The following MYO1E variants were observed in gnomAD, a reference collection of about 807,000 sequenced individuals.
MYO1E encodes the protein myosin IE, also known as unconventional myosin-Ie.
Under a neutral mutation model 151.1 loss-of-function variants are expected in MYO1E, and 68 were observed. The ratio of observed to expected loss-of-function variants is 0.45; its 90% CI spans 0.37 to 0.55. MYO1E has a LOEUF of 0.55. Ranked by LOEUF, MYO1E falls within the 20% of genes least tolerant of loss-of-function variation. The pLI is 0.00. For synonymous variants in MYO1E, 601 were observed against 501.7 expected, an observed-to-expected ratio of 1.20 and a Z score of -2.64; for missense variants, 1,363 against 1,389.3, an observed-to-expected ratio of 0.98 and a Z score of 0.30.
chr15:59,277,566 A>AC (rs1347764700), intron 1 of MYO1E, among the ~76,000 whole-genome samples: 28 of 46,288 alleles, frequency 6.0e-4, no homozygotes, highest in African/African-American at 1.1e-3. Context: ...AAAAAAAAAA[A>AC]AAAAAAACAT....
At chr15:59,208,061 A>G (rs1330770781) in intron 14 of MYO1E, 2 of 1,584,284 alleles carry the variant, frequency 1.3e-6, no homozygotes, top group East Asian at 2.2e-5. Flanking sequence ...ACACTCTGGG[A>G]AATTCAGAAT....
At chr15:59,318,370 T>C (rs1209179863) in intron 1 of MYO1E, among the ~76,000 whole-genome samples, 2 of 152,134 alleles carry the variant, frequency 1.3e-5, no homozygotes, top group Non-Finnish European at 2.9e-5. Flanking sequence ...GAGACTACCA[T>C]GAAAGCCCCT....
intron 13 of MYO1E, among the ~76,000 whole-genome samples, chr15:59,209,553 G>A (rs1263862101): frequency 6.6e-6 from 1 of 151,956 alleles, no homozygotes; most frequent in African/African-American, 2.4e-5. Flanking sequence ...GTGGGCGCCT[G>A]TAATCCCAGC....
chr15:59,254,571 T>C (rs2080183356), intron 4 of MYO1E, among the ~76,000 whole-genome samples: 1 of 152,154 alleles, frequency 6.6e-6, no homozygotes, highest in South Asian at 2.1e-4. Flanking sequence ...TAAAACAGAA[T>C]TGGCCATATA....
At chr15:59,332,049 G>A (rs572880043) in intron 1 of MYO1E, among the ~76,000 whole-genome samples, 4 of 152,310 alleles carry the variant, frequency 2.6e-5, no homozygotes, top group African/African-American at 4.8e-5. Flanking sequence ...ATTGGGATGC[G>A]TATAAATTAA....
intron 19 of MYO1E, among the ~76,000 whole-genome samples, chr15:59,176,353 C>T (rs1225935025): frequency 6.6e-6 from 1 of 152,032 alleles, no homozygotes; most frequent in Non-Finnish European, 1.5e-5. Flanking sequence ...AGCCACTGCG[C>T]GCGGTTATGA....
intron 9 of MYO1E, among the ~76,000 whole-genome samples, chr15:59,220,605 A>T (rs1329936285): frequency 1.3e-5 from 2 of 152,166 alleles, no homozygotes; most frequent in Non-Finnish European, 2.9e-5. Flanking sequence ...TCCATTATAA[A>T]GGCATGGACT....
rs78358865 is a variant in MYO1E, at chr15:59,355,060, C to T, written c.3+17438G>A. Among the ~76,000 whole-genome samples the T allele has an allele frequency of 4.5e-3, 684 of 152,294 alleles. 6 individuals are homozygous for T. Among genetic ancestry groups the T allele is most frequent in the Middle Eastern group, 6.8e-3 (2 of 294 alleles). ...TCATTCACTGGCGGCTGCCTTGCTG[C>T]CACCAAGTTGAATTGGAGGGTTTTC... On this transcript the variant is annotated intron_variant, in intron 1 of 27. Coordinates refer to ENST00000288235, the MANE Select transcript of MYO1E (RefSeq NM_004998.4).
intron 4 of MYO1E, among the ~76,000 whole-genome samples, chr15:59,239,213 T>A (rs1343968592): frequency 4.9e-5 from 5 of 102,202 alleles, no homozygotes; most frequent in East Asian, 8.8e-4. Context: ...TCAAAAAATA[T>A]ATATATATAT....
Position 59,173,809 on chromosome 15 carries a change from G to A in MYO1E, c.2271C>T (p.Phe757=), listed in dbSNP as rs766943152. 84 of 1,613,980 alleles carry A rather than the reference G, an allele frequency of 5.2e-5. 1 individual carries two copies. The Middle Eastern group carries it at 1.2e-3, about 22-fold the overall frequency. The part of the protein sequence containing the change: ...GMEEHPELQQ[F]VGKREKIDFA... ...AATCAATCTTCTCCCTCTTGCCCAC[G>A]AACTGCTGGAGTTCTGGGTGCTCTT... Residue 757 remains phenylalanine, a synonymous_variant, in exon 21 of 28, where the codon TTC becomes TTT. Coordinates refer to ENST00000288235, the MANE Select transcript of MYO1E (RefSeq NM_004998.4).
At chr15:59,345,245 G>C (rs1432617088) in intron 1 of MYO1E, among the ~76,000 whole-genome samples, 1 of 144,644 alleles carries the variant, frequency 6.9e-6, no homozygotes, top group Non-Finnish European at 1.5e-5. Context: ...ATTTAAATGA[G>C]AGAGAGAGAA....
chr15:59,215,308 A>G (rs1318347037), intron 10 of MYO1E, among the ~76,000 whole-genome samples: 1 of 152,184 alleles, frequency 6.6e-6, no homozygotes, highest in Non-Finnish European at 1.5e-5. Context: ...AGTGCTCTCA[A>G]TGTGTTGTTT....
chr15:59,137,699 T>A (rs1036946584), intron 27 of MYO1E, among the ~76,000 whole-genome samples: 1 of 152,204 alleles, frequency 6.6e-6, no homozygotes, highest in Non-Finnish European at 1.5e-5. Flanking sequence ...TTCCACTCCA[T>A]CCACTTTCAT....
In MYO1E at chr15:59,274,476, G is replaced by A. The variant is rs529010773; in HGVS notation, c.4-2027C>T. Among the ~76,000 whole-genome samples the A allele has an allele frequency of 3.3e-5, 5 of 152,140 alleles. No homozygotes were observed. The South Asian group carries it at 6.2e-4, about 19-fold the overall frequency. The stretch of plus-strand genomic sequence containing the variant: ...CTTTTCCAGCTTTCTGGGCACCCAC[G>A]GTTACTCTGCACAGAAAACTAGGGT... On this transcript the variant is annotated intron_variant, in intron 1 of 27. Transcript: ENST00000288235.
At chr15:59,369,463 C>A (rs1167748294) in intron 1 of MYO1E, among the ~76,000 whole-genome samples, 1 of 152,216 alleles carries the variant, frequency 6.6e-6, no homozygotes, top group African/African-American at 2.4e-5. Context: ...AGAGTCCAAA[C>A]TGGTCATGGC....
chr15:59,312,370 G>C (rs529075312), intron 1 of MYO1E, among the ~76,000 whole-genome samples: 1 of 152,294 alleles, frequency 6.6e-6, no homozygotes, highest in African/African-American at 2.4e-5. Flanking sequence ...ACAGGAACTT[G>C]GGCCGAGCCT....
At position 59,350,595 on chromosome 15, in the gene MYO1E, C is replaced by T. The variant is rs1024193639; in HGVS notation, c.3+21903G>A. Among the ~76,000 whole-genome samples the T allele has an allele frequency of 5.9e-5, 9 of 152,050 alleles. No individual in the cohort carries two copies. The highest frequency in any genetic ancestry group is 2.2e-4 in the African/African-American group (9 of 41,402). The stretch of plus-strand genomic sequence containing the variant: ...TTCCCCAATATGAACTGCCAGATAA[C>T]CAGGGAATGTCGAGAGTGTACAGGA... On this transcript the variant is annotated intron_variant, in intron 1 of 27. Transcript: ENST00000288235. The surrounding 1 kb of genome is among the most constrained non-coding windows in gnomAD (Gnocchi z 5.0).
At chr15:59,268,720 A>ACTTTTTTTTTTT (rs2080271247) in intron 2 of MYO1E, among the ~76,000 whole-genome samples, 1 of 44,906 alleles carries the variant, frequency 2.2e-5, no homozygotes, top group African/African-American at 5.8e-5. Flanking sequence ...TGACTTTGGT[A>ACTTTTTTTTTTT]TTTTTTTTTT....
chr15:59,227,648 A>G, intron 6 of MYO1E, 58 bp from the exon 7 acceptor site: 2 of 1,595,632 alleles, frequency 1.3e-6, no homozygotes, highest in South Asian at 1.1e-5. Context: ...GATGTCCCAA[A>G]CAGGCTTTGA....
Sources: gnomAD v4.1 joint callset for allele counts (sites outside exome capture counted in the v4.1 genomes callset) on GRCh38, gnomAD v4.1.1 for gene constraint, Gnocchi (gnomAD v3.1) non-coding constraint, MANE v1.5 for transcripts, NCBI Gene and HGNC (gene_info 2026-07-23, HGNC 2026-07-21) for gene names.